DRC11: variants seen among roughly 807,000 people sequenced by gnomAD.
DRC11 encodes dynein regulatory complex subunit 11.
At chr2:236,407,171 C>G in the DRC11 span, among the ~76,000 whole-genome samples, 39 of 152,188 alleles carry the variant, frequency 2.6e-4, no homozygotes, top group Admixed American at 7.2e-4. Context: ...CTCTTTCCCC[C>G]ACAAAAGAAA....
chr2:236,329,366 A>C, the DRC11 span, among the ~76,000 whole-genome samples: 1 of 152,200 alleles, frequency 6.6e-6, no homozygotes, highest in Admixed American at 6.5e-5. Context: ...CCTCATGTGC[A>C]AAACAGGGGG....
chr2:236,449,322 T>C, the DRC11 span, among the ~76,000 whole-genome samples: 1 of 152,174 alleles, frequency 6.6e-6, no homozygotes, highest in African/African-American at 2.4e-5. This position sits in a 1 kb window ranked among gnomAD's most constrained non-coding sequence, Gnocchi z 5.1. Context: ...ATCACTCTGC[T>C]GTAGGAGGCA....
chr2:236,456,110 G>A, the DRC11 span, among the ~76,000 whole-genome samples: 1 of 152,178 alleles, frequency 6.6e-6, no homozygotes, highest in Non-Finnish European at 1.5e-5. This position sits in a 1 kb window ranked among gnomAD's most constrained non-coding sequence, Gnocchi z 5.4. Flanking sequence ...ATGGATATGG[G>A]AAACATCCAA....
At chr2:236,430,185 C>T in the DRC11 span, among the ~76,000 whole-genome samples, 18 of 145,834 alleles carry the variant, frequency 1.2e-4, no homozygotes, top group South Asian at 4.3e-4. The surrounding 1 kb of genome is among the most constrained non-coding windows in gnomAD (Gnocchi z 6.0). Flanking sequence ...TACATATATG[C>T]GAATATACAT....
the DRC11 span, among the ~76,000 whole-genome samples, chr2:236,437,683 T>A: frequency 3.3e-5 from 5 of 151,782 alleles, no homozygotes; most frequent in South Asian, 2.1e-4. Context: ...TGCATTTCTC[T>A]GATGGCCAGT....
chr2:236,319,797 C>T, the DRC11 span, among the ~76,000 whole-genome samples: 2 of 152,194 alleles, frequency 1.3e-5, no homozygotes, highest in South Asian at 4.1e-4. The surrounding 1 kb of genome is among the most constrained non-coding windows in gnomAD (Gnocchi z 6.7). Flanking sequence ...AGACCTGCCA[C>T]TTCATCACGA....
chr2:236,361,333 G>A, the DRC11 span, among the ~76,000 whole-genome samples: 3 of 152,166 alleles, frequency 2.0e-5, no homozygotes, highest in Non-Finnish European at 4.4e-5. This position sits in a 1 kb window ranked among gnomAD's most constrained non-coding sequence, Gnocchi z 5.7. Context: ...TCAGCTGAAA[G>A]GGAAATGATA....
the DRC11 span, among the ~76,000 whole-genome samples, chr2:236,351,200 G>A: frequency 6.6e-6 from 1 of 152,138 alleles, no homozygotes; most frequent in Admixed American, 6.5e-5. The surrounding 1 kb of genome is among the most constrained non-coding windows in gnomAD (Gnocchi z 7.3). Flanking sequence ...ATAATGCAGG[G>A]TCCCTGACCT....
chr2:236,458,483 T>C, the DRC11 span, among the ~76,000 whole-genome samples: 1 of 152,134 alleles, frequency 6.6e-6, no homozygotes, highest in Non-Finnish European at 1.5e-5. Flanking sequence ...ATGCAACCAA[T>C]AATAAGGAAA....
the DRC11 span, among the ~76,000 whole-genome samples, chr2:236,354,200 G>C: frequency 1.3e-5 from 1 of 77,824 alleles, no homozygotes; most frequent in Non-Finnish European, 2.8e-5. Context: ...CAATGTGTGT[G>C]TGTGTCAATG....
At chr2:236,454,690 T>A in the DRC11 span, 1 of 152,194 alleles carries the variant, frequency 6.6e-6, no homozygotes, top group South Asian at 2.1e-4. This position sits in a 1 kb window ranked among gnomAD's most constrained non-coding sequence, Gnocchi z 5.3. Context: ...ACAGCCATGG[T>A]CCTCAGAAGA....
At chr2:236,491,226 T>C in the DRC11 span, among the ~76,000 whole-genome samples, 7 of 56,038 alleles carry the variant, frequency 1.2e-4, no homozygotes, top group African/African-American at 2.3e-4. Flanking sequence ...ACAGTATATA[T>C]ATATATATAT....
At chr2:236,412,813 C>A in the DRC11 span, 3 of 152,304 alleles carry the variant, frequency 2.0e-5, no homozygotes, top group African/African-American at 7.2e-5. Context: ...TACTGCATAG[C>A]TCTTGAGTTC....
the DRC11 span, among the ~76,000 whole-genome samples, chr2:236,469,861 C>T: frequency 8.7e-3 from 1,330 of 152,224 alleles, 10 homozygotes; most frequent in South Asian, 0.029. This position sits in a 1 kb window ranked among gnomAD's most constrained non-coding sequence, Gnocchi z 5.8. Context: ...AGATAGAGAA[C>T]ACGATAGTAT....
the DRC11 span, among the ~76,000 whole-genome samples, chr2:236,418,023 G>C: frequency 6.6e-6 from 1 of 152,130 alleles, no homozygotes; most frequent in African/African-American, 2.4e-5. Flanking sequence ...ATTGTAAATA[G>C]TGCTGCAGTA....
At chr2:236,425,416 T>C in the DRC11 span, among the ~76,000 whole-genome samples, 1 of 152,062 alleles carries the variant, frequency 6.6e-6, no homozygotes, top group Non-Finnish European at 1.5e-5. Flanking sequence ...CATTTTTCCA[T>C]ATACATGTTG....
the DRC11 span, among the ~76,000 whole-genome samples, chr2:236,425,631 T>C: frequency 1.3e-5 from 2 of 152,032 alleles, no homozygotes; most frequent in Non-Finnish European, 2.9e-5. Context: ...AGAAGTTTTT[T>C]AGTTTGGTGC....
the DRC11 span, among the ~76,000 whole-genome samples, chr2:236,466,182 T>A: frequency 1.3e-5 from 2 of 152,204 alleles, no homozygotes; most frequent in Non-Finnish European, 2.9e-5. Flanking sequence ...ATACATCTTA[T>A]TTTAATCTTC....
At chr2:236,350,772 G>T in the DRC11 span, among the ~76,000 whole-genome samples, 1 of 152,200 alleles carries the variant, frequency 6.6e-6, no homozygotes, top group African/African-American at 2.4e-5. This position sits in a 1 kb window ranked among gnomAD's most constrained non-coding sequence, Gnocchi z 5.2. Context: ...CATCCCAGCA[G>T]GAAGAATGCT....
Sources: allele counts gnomAD v4.1 joint callset (sites outside exome capture counted in the v4.1 genomes callset), GRCh38; gene constraint gnomAD v4.1.1; non-coding constraint Gnocchi (gnomAD v3.1); transcripts MANE v1.5; gene names NCBI Gene and HGNC (gene_info 2026-07-23, HGNC 2026-07-21).